R3HDM2: variants seen among roughly 807,000 people sequenced by gnomAD.
R3HDM2 encodes R3H domain-containing protein 2.
Under a neutral mutation model 124.5 loss-of-function variants are expected in R3HDM2, and 38 were observed. The observed-to-expected ratio is 0.31, with a 90% CI of 0.24 to 0.40. The LOEUF (loss-of-function observed/expected upper bound fraction) is 0.40. R3HDM2 is among the 10% of genes least tolerant of loss of function. The probability of loss-of-function intolerance (pLI) is 1.00; values close to 1 mark genes in which losing one functional copy is unlikely to be tolerated. For synonymous variants in R3HDM2, 391 were observed against 448.0 expected, an observed-to-expected ratio of 0.87 and a Z score of 1.61; for missense variants, 869 against 1,236.9, an observed-to-expected ratio of 0.70 and a Z score of 4.46.
chr12:57,338,515 G>A (rs1470468504), intron 2 of R3HDM2, among the ~76,000 whole-genome samples: 1 of 151,924 alleles, frequency 6.6e-6, no homozygotes, highest in Non-Finnish European at 1.5e-5. Context: ...TCAGCCTCCC[G>A]AGTAACTGGG....
intron 13 of R3HDM2, 85 bp downstream of exon 13, chr12:57,283,739 A>G: frequency 1.4e-6 from 2 of 1,383,682 alleles, no homozygotes; most frequent in Non-Finnish European, 2.0e-6. Flanking sequence ...CTCTGTCTCA[A>G]AAAAAAAAGT....
At chr12:57,283,528 C>G (rs2046652936) in intron 13 of R3HDM2, among the ~76,000 whole-genome samples, 1 of 152,144 alleles carries the variant, frequency 6.6e-6, no homozygotes, top group Non-Finnish European at 1.5e-5. Context: ...CACCTCAGGT[C>G]AGGAGTTTGA....
chr12:57,428,499 G>A (rs1868552296), intron 1 of R3HDM2, among the ~76,000 whole-genome samples: 2 of 147,358 alleles, frequency 1.4e-5, no homozygotes, highest in African/African-American at 4.9e-5. Context: ...GTATGGTGGG[G>A]GGTGTGGTGG....
chr12:57,254,843 C>T lies in R3HDM2; in HGVS notation c.2903G>A (p.Ser968Asn), dbSNP rs1565801413. The T allele has an allele frequency of 1.9e-6, 3 of 1,613,134 alleles. No individual in the cohort carries two copies. The highest frequency in any genetic ancestry group is 2.5e-6 in the Non-Finnish European group (3 of 1,179,350). ...TTTGGCCATTCGAAGTTTGAAGCGA[C>T]TCACGGAGTTGTTGAGACGAAGGGA... ...NASLRLNNSV[S>N]RFKLRMAKKN... is the part of the protein sequence containing the mutation. The change falls in exon 24 of 24, where the codon AGT becomes AAT. Residue 968 changes from serine (S) to asparagine (N), a missense_variant. By Grantham distance (46) the Ser-to-Asn change is conservative. Coordinates refer to ENST00000402412, the MANE Select transcript of R3HDM2 (RefSeq NM_001394031.1).
At chr12:57,278,994 G>A (rs1024828652) in intron 14 of R3HDM2, among the ~76,000 whole-genome samples, 1 of 151,988 alleles carries the variant, frequency 6.6e-6, no homozygotes, top group African/African-American at 2.4e-5. Flanking sequence ...AGAGGGATGA[G>A]GGAGCCTGGG....
At chr12:57,285,667 A>G (rs1334500387) in intron 12 of R3HDM2, among the ~76,000 whole-genome samples, 1 of 152,222 alleles carries the variant, frequency 6.6e-6, no homozygotes, top group African/African-American at 2.4e-5. Context: ...AAAGGCAAGT[A>G]CACTAAGAGG....
chr12:57,285,192 C>T (rs1352274095), intron 12 of R3HDM2, among the ~76,000 whole-genome samples: 1 of 152,134 alleles, frequency 6.6e-6, no homozygotes, highest in Admixed American at 6.5e-5. Flanking sequence ...CCCACTGGTT[C>T]CAAAGGCACT....
At chr12:57,313,761 G>A (rs1289735319) in intron 2 of R3HDM2, among the ~76,000 whole-genome samples, 4 of 149,774 alleles carry the variant, frequency 2.7e-5, no homozygotes, top group East Asian at 2.0e-4. Flanking sequence ...TGTGCCTGTC[G>A]TCCCAGCTAC....
rs565194396 is a variant in R3HDM2, at chr12:57,330,031, A to C, written c.-35-19568T>G. On this transcript the variant is annotated intron_variant, in intron 2 of 23. Coordinates refer to ENST00000402412, the MANE Select transcript of R3HDM2 (RefSeq NM_001394031.1). ...TCTTATTGCCCAGGCTGGAGGTGCG[A>C]TCTCGGCTCACCGCAACCTCCGCCT... 9.6e-4 allele frequency among the ~76,000 whole-genome samples: 146 copies of C among 152,156 alleles called. 1 individual carries two copies. Among genetic ancestry groups the C allele is most frequent in the African/African-American group, 3.2e-3 (133 of 41,500 alleles).
intron 12 of R3HDM2, among the ~76,000 whole-genome samples, chr12:57,288,504 G>T (rs1021159228): frequency 6.6e-6 from 1 of 151,856 alleles, no homozygotes; most frequent in African/African-American, 2.4e-5. Flanking sequence ...TTCAGAAAAG[G>T]TTAGCCAGAA....
intron 2 of R3HDM2, among the ~76,000 whole-genome samples, chr12:57,343,690 G>A (rs1301612265): frequency 6.7e-6 from 1 of 149,906 alleles, no homozygotes; most frequent in Admixed American, 6.7e-5. Context: ...GTCTGGTTGG[G>A]TTATTACTAT....
chr12:57,268,648 C>T (rs2042976089), intron 17 of R3HDM2, 191 bp from the exon 18 acceptor site: 1 of 715,892 alleles, frequency 1.4e-6, no homozygotes, highest in Non-Finnish European at 2.3e-6. Context: ...CAAATACCAC[C>T]CTTGGGCATC....
At chr12:57,376,707 T>C (rs549837555) in intron 2 of R3HDM2, among the ~76,000 whole-genome samples, 1 of 152,190 alleles carries the variant, frequency 6.6e-6, no homozygotes, top group East Asian at 1.9e-4. Context: ...CCCAACACTT[T>C]GGGAGGCTGA....
intron 2 of R3HDM2, among the ~76,000 whole-genome samples, chr12:57,352,218 G>T (rs1421643771): frequency 7.0e-6 from 1 of 143,158 alleles, no homozygotes; most frequent in Non-Finnish European, 1.5e-5. Context: ...CTCCAGCCTG[G>T]GCAACACAGC....
intron 1 of R3HDM2, among the ~76,000 whole-genome samples, chr12:57,423,017 A>G (rs1225225020): frequency 2.0e-5 from 3 of 152,008 alleles, no homozygotes; most frequent in African/African-American, 7.2e-5. Flanking sequence ...TGGGCAGGAG[A>G]AAAAGAGCCA....
At chr12:57,315,042 T>G (rs1196508484) in intron 2 of R3HDM2, among the ~76,000 whole-genome samples, 2 of 151,446 alleles carry the variant, frequency 1.3e-5, no homozygotes, top group African/African-American at 4.8e-5. Flanking sequence ...TATTTCTTTT[T>G]TTTTTTTTCT....
At chr12:57,323,228 A>G (rs535521344) in intron 2 of R3HDM2, among the ~76,000 whole-genome samples, 2 of 152,322 alleles carry the variant, frequency 1.3e-5, no homozygotes, top group South Asian at 2.1e-4. Flanking sequence ...CAAAAACAGT[A>G]TAACTGCGTG....
chr12:57,315,857 C>T (rs900997079), intron 2 of R3HDM2, among the ~76,000 whole-genome samples: 4 of 152,212 alleles, frequency 2.6e-5, no homozygotes, highest in Non-Finnish European at 5.9e-5. Context: ...TGTTGGCTCA[C>T]GCCTACAGTC....
chr12:57,335,655 A>AC (rs777236726), intron 2 of R3HDM2, among the ~76,000 whole-genome samples: 11 of 137,452 alleles, frequency 8.0e-5, no homozygotes, highest in Non-Finnish European at 1.4e-4. Context: ...GTGCCACCAT[A>AC]CCCAGCTAAC....
Sources: allele counts gnomAD v4.1 joint callset (sites outside exome capture counted in the v4.1 genomes callset), GRCh38; gene constraint gnomAD v4.1.1; transcripts MANE v1.5; gene names NCBI Gene and HGNC (gene_info 2026-07-23, HGNC 2026-07-21).